CFAP65: variants seen among roughly 807,000 people sequenced by gnomAD.
The protein encoded by CFAP65 is cilia and flagella associated protein 65.
CFAP65 carries 155 observed loss-of-function variants against 208.0 expected under a neutral mutation model. The ratio of observed to expected loss-of-function variants is 0.75; its 90% CI spans 0.65 to 0.85. CFAP65 has a LOEUF of 0.85. Among genes scored for constraint, CFAP65 ranks in the 40% least tolerant of loss-of-function variants. CFAP65 has a pLI of 0.00. For missense variants in CFAP65, 2,294 were observed against 2,451.3 expected, an observed-to-expected ratio of 0.94 and a Z score of 1.36; for synonymous variants, 970 against 986.3, an observed-to-expected ratio of 0.98 and a Z score of 0.31.
chr2:219,010,383 C>G (rs905288922), intron 26 of CFAP65, among the ~76,000 whole-genome samples, 163 bp downstream of exon 26: 2 of 152,152 alleles, frequency 1.3e-5, no homozygotes, highest in Admixed American at 6.5e-5. Context: ...GGTGCTGCCT[C>G]CTGAATCTGG....
chr2:219,014,225 TA>T, intron 21 of CFAP65, 181 bp from the exon 22 acceptor site: 1 of 501,106 alleles, frequency 2.0e-6, no homozygotes, highest in Non-Finnish European at 3.4e-6. Flanking sequence ...TCTCGTTTCA[TA>T]ATGGCCCCAA....
chr2:219,016,796 G>A lies in CFAP65; in HGVS notation c.3602+2255C>T, dbSNP rs61369656. Among the ~76,000 whole-genome samples the A allele has an allele frequency of 2.3e-3, 344 of 152,232 alleles. 1 individual carries two copies. The highest frequency in any genetic ancestry group is 7.3e-3 in the African/African-American group (302 of 41,534). On this transcript the variant is annotated intron_variant, in intron 21 of 34. Transcript: ENST00000341552. ...ATCCTGTCTTTGCTCCTAACTCCCC[G>A]ATGCCCATCCCATGATGTCCTCAGG...
chr2:219,023,245 G>A lies in CFAP65; in HGVS notation c.2782C>T (p.Gln928Ter). 1 of 1,612,828 alleles carries A rather than the reference G, an allele frequency of 6.2e-7. No homozygotes were observed. Among genetic ancestry groups the A allele is most frequent in the Non-Finnish European group, 8.5e-7 (1 of 1,179,912 alleles). Residue 928 changes from glutamine (Q) to a stop codon, truncating the protein, a stop_gained, in exon 16 of 35, where the codon CAG becomes TAG. Coordinates refer to ENST00000341552, the MANE Select transcript of CFAP65 (RefSeq NM_194302.4). LOFTEE classifies it high-confidence loss of function. ...SEQHRKLLAV[Q>*]PSRGLIQPNE... ...GGCTGGATTAGCCCCCTGGAGGGCTGGACAGCCAGCAGCTTTCGATGCTGC... is the reference window on the plus strand; with the variant it reads ...GGCTGGATTAGCCCCCTGGAGGGCTAGACAGCCAGCAGCTTTCGATGCTGC...
At chr2:219,014,975 G>A (rs146963492) in intron 21 of CFAP65, 1,484 of 132,336 alleles carry the variant, frequency 0.011, 32 homozygotes, top group African/African-American at 0.041. Flanking sequence ...GAGGAAGCAC[G>A]CAACACACAC....
At position 219,005,825 on chromosome 2, in the gene CFAP65, C is replaced by G. The variant is rs1199234212; in HGVS notation, c.4922+196G>C. 1.3e-5 allele frequency among the ~76,000 whole-genome samples: 2 copies of G among 152,220 alleles called. 1 individual carries two copies. Among genetic ancestry groups the G allele is most frequent in the South Asian group, 4.1e-4 (2 of 4,836 alleles). ...GCCTAGGTGTGTTCCCCAGGGGGCTCTGGCTGCTTTGTCCCCCTCCTAAAA... is the reference window on the plus strand; with the variant it reads ...GCCTAGGTGTGTTCCCCAGGGGGCTGTGGCTGCTTTGTCCCCCTCCTAAAA... On this transcript the variant is annotated intron_variant, in intron 31 of 34. Coordinates refer to ENST00000341552, the MANE Select transcript of CFAP65 (RefSeq NM_194302.4).
At position 219,010,875 on chromosome 2, in the gene CFAP65, C is replaced by T. The variant is rs1946428191; in HGVS notation, c.4079G>A (p.Gly1360Glu). Residue 1360 changes from glycine (G) to glutamate (E), a missense_variant, in exon 25 of 35, where the codon GGG becomes GAG. By Grantham distance (98) the Gly-to-Glu change is moderately conservative (BLOSUM62 -2). Coordinates refer to ENST00000341552, the MANE Select transcript of CFAP65 (RefSeq NM_194302.4). ...HPIFCCLNPK[G>E]EIQPGSTARV... ...GGCAGTGCTGCCTGGCTGGATCTCC[C>T]CTTTGGGGTTGAGGCAGCAAAAGAT... 1 of 1,613,736 alleles carries T rather than the reference C, an allele frequency of 6.2e-7. No homozygotes were observed. The highest frequency in any genetic ancestry group is 8.5e-7 in the Non-Finnish European group (1 of 1,179,978).
rs575275175 is a variant in CFAP65, at chr2:219,032,201, G to A, written c.645+269C>T. Among the ~76,000 whole-genome samples, 14 of 152,350 alleles carry A rather than the reference G, an allele frequency of 9.2e-5. No homozygotes were observed. The highest frequency in any genetic ancestry group is 1.6e-4 in the Non-Finnish European group (11 of 68,036). On this transcript the variant is annotated intron_variant, in intron 6 of 34. Coordinates refer to ENST00000341552, the MANE Select transcript of CFAP65 (RefSeq NM_194302.4). This position sits in a 1 kb window ranked among gnomAD's most constrained non-coding sequence, Gnocchi z 5.5. Reference sequence around the variant, plus strand: ...CTCCCAAAGTGCTGAGATTCCAGAAGTCAGTCACCGTCCCCGGCCACGGAA... The same window carrying A: ...CTCCCAAAGTGCTGAGATTCCAGAAATCAGTCACCGTCCCCGGCCACGGAA...
At chr2:219,029,790 T>G in intron 10 of CFAP65, 122 bp from the exon 11 acceptor site, 3 of 1,297,886 alleles carry the variant, frequency 2.3e-6, no homozygotes, top group Non-Finnish European at 3.2e-6. Context: ...TGAGCAGAAC[T>G]CCAGCATCAC....
At position 219,031,605 on chromosome 2, in the gene CFAP65, G is replaced by A. The variant is rs551172874; in HGVS notation, c.699C>T (p.Val233=). 3.5e-5 allele frequency: 56 copies of A among 1,614,050 alleles called. No homozygotes were observed. In the Admixed American group the frequency reaches 3.7e-4, roughly 11 times the overall value. ...GGCAGGGCAGGGTGGCCCGTAGGCCGACACAGAACATCCCCTCCGCTTTCT... is the reference window on the plus strand; with the variant it reads ...GGCAGGGCAGGGTGGCCCGTAGGCCAACACAGAACATCCCCTCCGCTTTCT... ...WFEKAEGMFC[V]GLRATLPCHR... Residue 233 remains valine, a synonymous_variant, in exon 7 of 35, where the codon GTC becomes GTT. Transcript: ENST00000341552. The surrounding 1 kb of genome is among the most constrained non-coding windows in gnomAD (Gnocchi z 5.2).
intron 2 of CFAP65, among the ~76,000 whole-genome samples, chr2:219,040,268 G>GCAAA (rs1948590792): frequency 1.3e-5 from 2 of 152,024 alleles, no homozygotes; most frequent in Non-Finnish European, 2.9e-5. Context: ...TTCAGATTTA[G>GCAAA]CAAACAATTT....
Position 219,024,223 on chromosome 2 carries a change from C to T in CFAP65, c.2387G>A (p.Arg796His), listed in dbSNP as rs143842445. 257 of 1,613,568 alleles carry T rather than the reference C, an allele frequency of 1.6e-4. 1 individual carries two copies. The highest frequency in any genetic ancestry group is 1.9e-4 in the South Asian group (17 of 91,066). The change falls in exon 15 of 35, where the codon CGC (arginine) becomes CAC (histidine). Residue 796 changes from arginine to histidine, a missense_variant. Transcript: ENST00000341552. ...PAVSSGEPTY[R>H]SLLLVNKDCK... ...GTCTTTGTTGACCAGGAGCAGGCTG[C>T]GGTAGGTGGGCTCACCGGAGGACAC... is the stretch of plus-strand genomic sequence containing the variant.
intron 16 of CFAP65, among the ~76,000 whole-genome samples, 195 bp from the exon 17 acceptor site, chr2:219,022,524 GT>G (rs1189033921): frequency 1.3e-5 from 2 of 152,202 alleles, no homozygotes; most frequent in African/African-American, 4.8e-5. Context: ...GGGGTCAGTA[GT>G]ATTATTTCCA....
In CFAP65 at chr2:219,002,909, G is replaced by T. The variant is rs558038154; in HGVS notation, c.*28C>A. On this transcript the variant is annotated 3_prime_UTR_variant, in exon 35 of 35. Coordinates refer to ENST00000341552, the MANE Select transcript of CFAP65 (RefSeq NM_194302.4). This position sits in a 1 kb window ranked among gnomAD's most constrained non-coding sequence, Gnocchi z 7.9. ...AGGGGGCCAGGCGTGACCCCTAGCG[G>T]CATGTCGGAGAGGCTGGGCGCGGGC... 334 of 1,550,200 alleles carry T rather than the reference G, an allele frequency of 2.2e-4. 5 individuals are homozygous for T. In the South Asian group the frequency reaches 3.7e-3, roughly 17 times the overall value.
At chr2:219,010,172 G>C in intron 26 of CFAP65, 87 bp from the exon 27 acceptor site, 2 of 1,350,480 alleles carry the variant, frequency 1.5e-6, no homozygotes, top group Admixed American at 2.5e-5. Flanking sequence ...GGGAGGCCAA[G>C]GTGGGAGGAT....
At position 219,010,880 on chromosome 2, in the gene CFAP65, G is replaced by A. The variant is rs1946428599; in HGVS notation, c.4074C>T (p.Pro1358=). The A allele has an allele frequency of 6.2e-7, 1 of 1,613,656 alleles. No individual in the cohort carries two copies. Among genetic ancestry groups the A allele is most frequent in the Non-Finnish European group, 8.5e-7 (1 of 1,180,000 alleles). ...FDHPIFCCLN[P]KGEIQPGSTA... is the part of the protein sequence containing the mutation. ...TGCTGCCTGGCTGGATCTCCCCTTT[G>A]GGGTTGAGGCAGCAAAAGATGGGGT... Residue 1358 remains proline, a synonymous_variant, in exon 25 of 35, where the codon CCC becomes CCT. Transcript: ENST00000341552.
chr2:219,030,314 C>T, intron 9 of CFAP65, 106 bp from the exon 10 acceptor site: 1 of 1,162,776 alleles, frequency 8.6e-7, no homozygotes, highest in Non-Finnish European at 1.3e-6. Flanking sequence ...GGGGTGGGGG[C>T]AGCTGGCATC....
intron 24 of CFAP65, among the ~76,000 whole-genome samples, chr2:219,011,277 T>TC (rs1377906242): frequency 5.1e-5 from 7 of 138,584 alleles, no homozygotes; most frequent in Non-Finnish European, 9.1e-5. Context: ...TTTCTTTTTT[T>TC]TTTTTTTTTT....
chr2:219,030,646 C>T, intron 9 of CFAP65, 43 bp downstream of exon 9: 1 of 1,596,208 alleles, frequency 6.3e-7, no homozygotes, highest in Non-Finnish European at 8.5e-7. Context: ...AAATTCCAAT[C>T]CTGGGGGCGT....
intron 11 of CFAP65, 51 bp from the exon 12 acceptor site, chr2:219,028,452 G>T: frequency 1.4e-6 from 2 of 1,467,034 alleles, no homozygotes; most frequent in Non-Finnish European, 9.5e-7. Context: ...GGTAGGGCAA[G>T]GGGGGTGCTG....
Sources: allele counts gnomAD v4.1 joint callset (sites outside exome capture counted in the v4.1 genomes callset), GRCh38; gene constraint gnomAD v4.1.1; non-coding constraint Gnocchi (gnomAD v3.1); transcripts MANE v1.5; gene names NCBI Gene and HGNC (gene_info 2026-07-23, HGNC 2026-07-21).